CABIN1: variants seen among roughly 807,000 people sequenced by gnomAD.
CABIN1 encodes the protein calcineurin binding protein 1, also known as calcineurin-binding protein cabin-1.
Under a neutral mutation model 227.7 loss-of-function variants are expected in CABIN1, and 133 were observed. The observed-to-expected ratio is 0.58, with a 90% CI of 0.51 to 0.67. The LOEUF is 0.67. Ranked by LOEUF, CABIN1 falls within the 30% of genes least tolerant of loss-of-function variation. The pLI is 0.00. For synonymous variants in CABIN1, 1,086 were observed against 1,155.1 expected, an observed-to-expected ratio of 0.94 and a Z score of 1.21; for missense variants, 2,408 against 2,852.5, an observed-to-expected ratio of 0.84 and a Z score of 3.55.
At chr22:24,102,672 G>A (rs554482148) in intron 26 of CABIN1, among the ~76,000 whole-genome samples, 6 of 152,288 alleles carry the variant, frequency 3.9e-5, no homozygotes, top group Admixed American at 6.5e-5. Context: ...GCCAAGATCC[G>A]AGGGGTGTGT....
intron 33 of CABIN1, among the ~76,000 whole-genome samples, chr22:24,168,779 C>A (rs2046612192): frequency 6.6e-6 from 1 of 152,188 alleles, no homozygotes; most frequent in Non-Finnish European, 1.5e-5. Flanking sequence ...AGGAGGATGG[C>A]CCCTAGCCAG....
At chr22:24,054,574 C>T (rs956986707) in intron 8 of CABIN1, among the ~76,000 whole-genome samples, 3 of 152,192 alleles carry the variant, frequency 2.0e-5, no homozygotes, top group Non-Finnish European at 4.4e-5. Context: ...TCATACATAC[C>T]TACTTGAGTC....
intron 15 of CABIN1, among the ~76,000 whole-genome samples, chr22:24,065,136 G>A (rs1416829216): frequency 1.1e-3 from 168 of 150,188 alleles, no homozygotes; most frequent in African/African-American, 3.9e-3. Context: ...GCGGCTGGCC[G>A]GGCGGGGGCT....
Position 24,063,159 on chromosome 22 carries a change from G to A in CABIN1, c.1884+13G>A, listed in dbSNP as rs373439455. 1.8e-4 allele frequency: 292 copies of A among 1,613,662 alleles called. 1 individual carries two copies. The highest frequency in any genetic ancestry group is 1.3e-3 in the Middle Eastern group (8 of 6,008). On this transcript the variant is annotated intron_variant, in intron 14 of 36. Transcript: ENST00000263119. Reference sequence around the variant, plus strand: ...CCTGGCGCTGCAGGTTAGTTCCATGGTCAGCTGCTTGGGGAGCATGCCCTG... The same window carrying A: ...CCTGGCGCTGCAGGTTAGTTCCATGATCAGCTGCTTGGGGAGCATGCCCTG...
At chr22:24,073,022 T>C (rs2040201309) in intron 18 of CABIN1, among the ~76,000 whole-genome samples, 1 of 152,060 alleles carries the variant, frequency 6.6e-6, no homozygotes, top group Admixed American at 6.5e-5. Flanking sequence ...GAGGATGAAA[T>C]GAAATAATAA....
intron 1 of CABIN1, among the ~76,000 whole-genome samples, chr22:24,029,092 C>G (rs927615870): frequency 6.6e-6 from 1 of 152,182 alleles, no homozygotes; most frequent in East Asian, 1.9e-4. Context: ...TACGGTGGCT[C>G]ATACCTATAA....
chr22:24,070,901 C>T lies in CABIN1; in HGVS notation c.2334C>T (p.Ala778=), dbSNP rs200194811. The change falls in exon 17 of 37, where the codon GCC becomes GCT. Residue 778 remains alanine (A), a synonymous_variant. Transcript: ENST00000263119. The part of the protein sequence containing the change: ...VQQMVNSGEA[A]AKEEWVATVT... Reference sequence around the variant, plus strand: ...AGATGGTGAACTCAGGTGAGGCTGCCGCCAAGGAGGAGTGGGTGGCCACAG... The same window carrying T: ...AGATGGTGAACTCAGGTGAGGCTGCTGCCAAGGAGGAGTGGGTGGCCACAG... The T allele has an allele frequency of 3.8e-4, 611 of 1,614,220 alleles. 2 individuals carry two copies. The highest frequency in any genetic ancestry group is 5.5e-4 in the South Asian group (50 of 91,080).
intron 29 of CABIN1, among the ~76,000 whole-genome samples, chr22:24,156,728 G>C (rs1387441004): frequency 6.6e-6 from 1 of 152,234 alleles, no homozygotes; most frequent in Non-Finnish European, 1.5e-5. Flanking sequence ...GCCCCGCAGC[G>C]GAGTGGGAGG....
At chr22:24,076,103 C>T (rs564038956) in intron 18 of CABIN1, 66 bp from the exon 19 acceptor site, 56 of 1,141,040 alleles carry the variant, frequency 4.9e-5, no homozygotes, top group African/African-American at 2.4e-4. Flanking sequence ...GACTGAGCCT[C>T]GCAGCCCCTG....
At chr22:24,088,685 A>G (rs2041341551) in intron 23 of CABIN1, among the ~76,000 whole-genome samples, 1 of 152,154 alleles carries the variant, frequency 6.6e-6, no homozygotes, top group Non-Finnish European at 1.5e-5. Context: ...TATTAAGGGC[A>G]AAGCTCAAAT....
intron 7 of CABIN1, among the ~76,000 whole-genome samples, chr22:24,049,681 T>C (rs2038171320): frequency 6.6e-6 from 1 of 152,204 alleles, no homozygotes; most frequent in Non-Finnish European, 1.5e-5. Flanking sequence ...CCTGACCCCA[T>C]AGTTCTCCCA....
At chr22:24,149,691 G>A (rs748888263) in intron 29 of CABIN1, among the ~76,000 whole-genome samples, 18 of 152,202 alleles carry the variant, frequency 1.2e-4, no homozygotes, top group Non-Finnish European at 1.9e-4. Flanking sequence ...CCCATCACTG[G>A]GCACATCACT....
intron 1 of CABIN1, among the ~76,000 whole-genome samples, chr22:24,034,792 C>T (rs751548464): frequency 6.6e-6 from 1 of 152,240 alleles, no homozygotes; most frequent in Non-Finnish European, 1.5e-5. Flanking sequence ...TCAGACTAGT[C>T]TGCCTATCTC....
chr22:24,015,100 C>T (rs2035146920), intron 1 of CABIN1, among the ~76,000 whole-genome samples: 1 of 151,566 alleles, frequency 6.6e-6, no homozygotes, highest in Non-Finnish European at 1.5e-5. Flanking sequence ...CCCGTCTCTA[C>T]TAAAAATACA....
At chr22:24,093,451 G>C (rs1246224292) in intron 24 of CABIN1, among the ~76,000 whole-genome samples, 2 of 152,270 alleles carry the variant, frequency 1.3e-5, no homozygotes, top group Admixed American at 1.3e-4. Flanking sequence ...GCTGAGATGG[G>C]AGGATCACTT....
chr22:24,073,921 A>G (rs1445591301), intron 18 of CABIN1, among the ~76,000 whole-genome samples: 1 of 152,148 alleles, frequency 6.6e-6, no homozygotes, highest in Non-Finnish European at 1.5e-5. Flanking sequence ...CTATTGAACC[A>G]TCCCCGCTGC....
chr22:24,054,920 C>A lies in CABIN1; in HGVS notation c.854C>A (p.Thr285Asn), dbSNP rs1322583585. ...ESLLAMYNHL[T>N]TCEPPRPSLG... ...TTGCTGGCCATGTACAATCATCTCA[C>A]CACCTGTGAGCCCCCACGTCCCAGC... Residue 285 changes from threonine to asparagine, a missense_variant, in exon 9 of 37, where the codon ACC (threonine) becomes AAC (asparagine). Coordinates refer to ENST00000263119, the MANE Select transcript of CABIN1 (RefSeq NM_012295.4). 3 of 1,614,232 alleles carry A rather than the reference C, an allele frequency of 1.9e-6. No individual in the cohort carries two copies. The Admixed American group carries it at 5.0e-5, about 27-fold the overall frequency.
chr22:24,030,626 T>C (rs1183067523), intron 1 of CABIN1, among the ~76,000 whole-genome samples: 1 of 152,186 alleles, frequency 6.6e-6, no homozygotes, highest in Non-Finnish European at 1.5e-5. Flanking sequence ...GTATTTGTTC[T>C]CCTACACTGT....
intron 1 of CABIN1, among the ~76,000 whole-genome samples, chr22:24,024,018 C>G (rs1323564464): frequency 6.6e-6 from 1 of 152,174 alleles, no homozygotes; most frequent in Admixed American, 6.5e-5. Flanking sequence ...CAGACGTGAA[C>G]TACCATGCCC....
Sources: allele counts gnomAD v4.1 joint callset (sites outside exome capture counted in the v4.1 genomes callset), GRCh38; gene constraint gnomAD v4.1.1; transcripts MANE v1.5; gene names NCBI Gene and HGNC (gene_info 2026-07-23, HGNC 2026-07-21).